THSD7A: variants seen among roughly 807,000 people sequenced by gnomAD.
THSD7A encodes the protein thrombospondin type 1 domain containing 7A.
THSD7A carries 96 observed loss-of-function variants against 231.3 expected under a neutral mutation model. The observed-to-expected ratio is 0.41, with a 90% CI of 0.35 to 0.49. The LOEUF (loss-of-function observed/expected upper bound fraction) is 0.49. Among genes scored for constraint, THSD7A ranks in the 20% least tolerant of loss-of-function variants. THSD7A has a pLI of 0.05. For missense variants in THSD7A, 2,290 were observed against 2,070.2 expected, an observed-to-expected ratio of 1.11 and a Z score of -2.06; for synonymous variants, 940 against 743.3, an observed-to-expected ratio of 1.26 and a Z score of -4.30.
Position 11,406,971 on chromosome 7 carries a change from G to A in THSD7A, c.4001C>T (p.Pro1334Leu). The change falls in exon 21 of 28, where the codon CCC becomes CTC. Residue 1334 changes from proline (P) to leucine (L), a missense_variant. Pro to Leu is a moderately conservative substitution (Grantham distance 98). Transcript: ENST00000423059. This position sits in a 1 kb window ranked among gnomAD's most constrained non-coding sequence, Gnocchi z 4.7. Reference protein sequence around the residue: ...PCPSLMDQSKPCPVKPCYRWQ... With the variant: ...PCPSLMDQSKLCPVKPCYRWQ... Reference sequence around the variant, plus strand: ...CCGATAACAAGGCTTCACTGGGCAGGGTTTGGACTGGTCCATCAGGGAAGG... The same window carrying A: ...CCGATAACAAGGCTTCACTGGGCAGAGTTTGGACTGGTCCATCAGGGAAGG... The A allele has an allele frequency of 6.2e-7, 1 of 1,613,864 alleles. No homozygotes were observed. The highest frequency in any genetic ancestry group is 1.1e-5 in the South Asian group (1 of 91,064).
At chr7:11,784,610 T>C (rs1038915389) in intron 1 of THSD7A, among the ~76,000 whole-genome samples, 61 of 152,202 alleles carry the variant, frequency 4.0e-4, no homozygotes, top group African/African-American at 1.5e-3. Flanking sequence ...TTATTTATTT[T>C]CCTTTCAAAT....
At chr7:11,768,211 A>C (rs1294793878) in intron 1 of THSD7A, among the ~76,000 whole-genome samples, 1 of 152,168 alleles carries the variant, frequency 6.6e-6, no homozygotes, top group Admixed American at 6.5e-5. Context: ...TTTTCCTTCT[A>C]AACTCATTTG....
At position 11,634,750 on chromosome 7, in the gene THSD7A, G is replaced by A. The variant is rs17164946; in HGVS notation, c.1022+1380C>T. The stretch of plus-strand genomic sequence containing the variant: ...TACAGCTGAAATAAAATGCAATCGT[G>A]TCAATACAAAGAGGGGAGAGAGTAG... On this transcript the variant is annotated intron_variant, in intron 2 of 27. Coordinates refer to ENST00000423059, the MANE Select transcript of THSD7A (RefSeq NM_015204.3). This position sits in a 1 kb window ranked among gnomAD's most constrained non-coding sequence, Gnocchi z 4.1. 0.082 allele frequency among the ~76,000 whole-genome samples: 12,452 copies of A among 152,042 alleles called. 1,416 individuals carry two copies. The highest frequency in any genetic ancestry group is 0.25 in the East Asian group (1,281 of 5,162).
intron 1 of THSD7A, among the ~76,000 whole-genome samples, chr7:11,782,691 A>G (rs1783671393): frequency 6.6e-6 from 1 of 152,066 alleles, no homozygotes; most frequent in African/African-American, 2.4e-5. Context: ...AATAAAACCA[A>G]TTACATTGGT....
intron 6 of THSD7A, among the ~76,000 whole-genome samples, chr7:11,524,196 C>T (rs912394038): frequency 1.7e-4 from 26 of 152,104 alleles, no homozygotes; most frequent in Non-Finnish European, 2.9e-4. Context: ...TGGTGGTACT[C>T]AGAATCCAGC....
intron 1 of THSD7A, among the ~76,000 whole-genome samples, chr7:11,827,452 T>C (rs904981263): frequency 1.3e-5 from 2 of 152,192 alleles, no homozygotes; most frequent in African/African-American, 4.8e-5. Flanking sequence ...CTTTCTAAAC[T>C]TTTAAAATAC....
intron 1 of THSD7A, among the ~76,000 whole-genome samples, chr7:11,758,983 A>G (rs1782772840): frequency 6.6e-6 from 1 of 152,104 alleles, no homozygotes; most frequent in Non-Finnish European, 1.5e-5. Flanking sequence ...AAAAAAACTT[A>G]AGTAAAAAAA....
At chr7:11,528,442 G>T (rs1294551013) in intron 6 of THSD7A, among the ~76,000 whole-genome samples, 2 of 152,086 alleles carry the variant, frequency 1.3e-5, no homozygotes, top group African/African-American at 4.8e-5. Flanking sequence ...CGACTGGGAG[G>T]TAAGATCCAT....
chr7:11,636,984 AT>A lies in THSD7A; in HGVS notation c.191-24del. The A allele has an allele frequency of 1.3e-6, 2 of 1,580,824 alleles. No individual in the cohort carries two copies. The highest frequency in any genetic ancestry group is 1.7e-6 in the Non-Finnish European group (2 of 1,166,784). ...GACCTACAAAAATTATAACACAAAA[AT>A]TAGCAGTGCTACTAGAAGAAAACTA... On this transcript the variant is annotated intron_variant, in intron 1 of 27. Transcript: ENST00000423059. This position sits in a 1 kb window ranked among gnomAD's most constrained non-coding sequence, Gnocchi z 10.0.
chr7:11,678,735 C>G (rs555234737), intron 1 of THSD7A, among the ~76,000 whole-genome samples: 8 of 152,214 alleles, frequency 5.3e-5, no homozygotes, highest in African/African-American at 1.9e-4. Context: ...ATGCCTAGGA[C>G]AAGACAGATT....
chr7:11,468,787 T>C (rs970968416), intron 9 of THSD7A, among the ~76,000 whole-genome samples: 1 of 152,138 alleles, frequency 6.6e-6, no homozygotes, highest in African/African-American at 2.4e-5. Context: ...TGGGCCGAAA[T>C]TGAGCCACTG....
rs918361529 is a variant in THSD7A, at chr7:11,634,554, G to C, written c.1022+1576C>G. On this transcript the variant is annotated intron_variant, in intron 2 of 27. Transcript: ENST00000423059. The surrounding 1 kb of genome is among the most constrained non-coding windows in gnomAD (Gnocchi z 4.1). ...GGATAGTCAGAAAAGAACAAAATAG[G>C]AATTGAGTTGAAAATATACATGATA... Among the ~76,000 whole-genome samples, 1 of 151,032 alleles carries C rather than the reference G, an allele frequency of 6.6e-6. No individual in the cohort carries two copies. The highest frequency in any genetic ancestry group is 1.5e-5 in the Non-Finnish European group (1 of 67,784).
intron 1 of THSD7A, among the ~76,000 whole-genome samples, chr7:11,656,800 G>A (rs531910204): frequency 6.6e-6 from 1 of 151,964 alleles, no homozygotes; most frequent in African/African-American, 2.4e-5. Flanking sequence ...AATACCTGAA[G>A]TCGGAAGGTG....
At chr7:11,776,154 C>T (rs1783399865) in intron 1 of THSD7A, among the ~76,000 whole-genome samples, 1 of 152,154 alleles carries the variant, frequency 6.6e-6, no homozygotes, top group Non-Finnish European at 1.5e-5. Flanking sequence ...AAATGATTTC[C>T]TGGATAGCCC....
chr7:11,673,692 G>T (rs1001263656), intron 1 of THSD7A, among the ~76,000 whole-genome samples: 1 of 152,168 alleles, frequency 6.6e-6, no homozygotes, highest in Non-Finnish European at 1.5e-5. Context: ...ATGGGAGCAG[G>T]ATGCTCCTTC....
At chr7:11,676,334 T>G (rs553247890) in intron 1 of THSD7A, among the ~76,000 whole-genome samples, 10 of 151,976 alleles carry the variant, frequency 6.6e-5, no homozygotes, top group Non-Finnish European at 1.2e-4. Context: ...AGGCTGAAAA[T>G]GCCAACAACA....
intron 4 of THSD7A, among the ~76,000 whole-genome samples, chr7:11,583,898 T>C (rs1451835541): frequency 6.6e-6 from 1 of 152,176 alleles, no homozygotes; most frequent in African/African-American, 2.4e-5. Context: ...TACAGACCCA[T>C]AATTGGAATT....
Position 11,808,154 on chromosome 7 carries a change from C to CCACA in THSD7A, c.190+23599_190+23602dup, listed in dbSNP as rs67706467. On this transcript the variant is annotated intron_variant, in intron 1 of 27. Transcript: ENST00000423059. ...TTCTGCAGGGCAGTTTAGAAAGAGA[C>CCACA]CACACACACACACACACACTGCTAT... Among the ~76,000 whole-genome samples, 286 of 151,002 alleles carry CCACA rather than the reference C, an allele frequency of 1.9e-3. 1 individual carries two copies. Among genetic ancestry groups the CCACA allele is most frequent in the South Asian group, 0.012 (55 of 4,768 alleles).
rs570012898 is a variant in THSD7A, at chr7:11,611,840, GTCTATCTATCTA to G, written c.1023-18350_1023-18339del. On this transcript the variant is annotated intron_variant, in intron 2 of 27. Coordinates refer to ENST00000423059, the MANE Select transcript of THSD7A (RefSeq NM_015204.3). ...CACACACACACACACACTATCATCT[GTCTATCTATCTA>G]TCTATCTATCTATCTATCTATCTAT... 7.0e-3 allele frequency among the ~76,000 whole-genome samples: 983 copies of G among 139,502 alleles called. 13 individuals carry two copies. Among genetic ancestry groups the G allele is most frequent in the African/African-American group, 0.024 (887 of 36,840 alleles). 91.5% of individuals were successfully genotyped at this position (139,502 alleles called of 152,430 possible). A position where few individuals can be genotyped will look rare whatever the true frequency, so the allele number is the denominator to read the frequency against.
Sources: gnomAD v4.1 joint callset for allele counts (sites outside exome capture counted in the v4.1 genomes callset) on GRCh38, gnomAD v4.1.1 for gene constraint, Gnocchi (gnomAD v3.1) non-coding constraint, MANE v1.5 for transcripts, NCBI Gene and HGNC (gene_info 2026-07-23, HGNC 2026-07-21) for gene names.